The following CORO2B variants were observed in gnomAD, a reference collection of about 807,000 sequenced individuals.
CORO2B encodes the protein coronin 2B.
Under a neutral mutation model 58.8 loss-of-function variants are expected in CORO2B, and 26 were observed. The observed-to-expected ratio is 0.44, with a 90% CI of 0.32 to 0.61. The LOEUF is 0.61. Ranked by LOEUF, CORO2B falls within the 20% of genes least tolerant of loss-of-function variation. The pLI, the probability that CORO2B is intolerant of heterozygous loss-of-function variation, is 0.04. For missense variants in CORO2B, 460 were observed against 645.1 expected, an observed-to-expected ratio of 0.71 and a Z score of 3.11; for synonymous variants, 242 against 253.8, an observed-to-expected ratio of 0.95 and a Z score of 0.44.
At chr15:68,605,910 A>G (rs1195187493) in intron 1 of CORO2B, among the ~76,000 whole-genome samples, 1 of 151,832 alleles carries the variant, frequency 6.6e-6, no homozygotes, top group Non-Finnish European at 1.5e-5. Flanking sequence ...TTTTTAGTAG[A>G]GACGGGGGTT....
the CORO2B span, among the ~76,000 whole-genome samples, chr15:68,539,664 C>T: frequency 1.2e-4 from 18 of 152,026 alleles, no homozygotes; most frequent in South Asian, 2.1e-3. Context: ...GACCATGTCT[C>T]AAATAAATAA....
intron 1 of CORO2B, among the ~76,000 whole-genome samples, chr15:68,608,273 T>G (rs1280494184): frequency 6.6e-6 from 1 of 152,244 alleles, no homozygotes; most frequent in African/African-American, 2.4e-5. Context: ...CTTGGCCTCC[T>G]GTGGCTGGCT....
chr15:68,616,626 T>C (rs1900366194), intron 1 of CORO2B: 1 of 985,350 alleles, frequency 1.0e-6, no homozygotes. Flanking sequence ...TGAGTACGGC[T>C]GTGTCAGCGC....
chr15:68,602,445 A>ACG (rs1900009152), intron 1 of CORO2B, among the ~76,000 whole-genome samples: 1 of 150,984 alleles, frequency 6.6e-6, no homozygotes, highest in African/African-American at 2.5e-5. Flanking sequence ...ACACACACAC[A>ACG]CACACGTTTT....
chr15:68,648,713 A>G (rs917283083), intron 2 of CORO2B, among the ~76,000 whole-genome samples: 4 of 152,352 alleles, frequency 2.6e-5, no homozygotes, highest in Admixed American at 6.5e-5. Flanking sequence ...TGAATAAGCA[A>G]TTCACAGAAG....
chr15:68,676,789 T>A (rs1457333070), intron 2 of CORO2B, among the ~76,000 whole-genome samples: 4 of 152,052 alleles, frequency 2.6e-5, no homozygotes, highest in Non-Finnish European at 4.4e-5. Flanking sequence ...TTTTTTTTTT[T>A]AAGACAGAGT....
intron 3 of CORO2B, among the ~76,000 whole-genome samples, chr15:68,695,802 G>A (rs940505438): frequency 6.6e-6 from 1 of 152,164 alleles, no homozygotes; most frequent in Non-Finnish European, 1.5e-5. Context: ...CATTCAATGA[G>A]AAGAGAGAAG....
chr15:68,653,003 CCCATGTGT>C (rs1483163480), intron 2 of CORO2B, among the ~76,000 whole-genome samples: 1 of 152,166 alleles, frequency 6.6e-6, no homozygotes, highest in Non-Finnish European at 1.5e-5. Context: ...GAGCTGACAC[CCCATGTGT>C]CCATCTCTTT....
At chr15:68,580,802 C>T (rs1246732579) in intron 1 of CORO2B, among the ~76,000 whole-genome samples, 3 of 152,068 alleles carry the variant, frequency 2.0e-5, no homozygotes, top group South Asian at 2.1e-4. Flanking sequence ...TTAATAATAG[C>T]GCTGAGGATT....
chr15:68,537,010 T>C, the CORO2B span, among the ~76,000 whole-genome samples: 1 of 152,206 alleles, frequency 6.6e-6, no homozygotes, highest in East Asian at 1.9e-4. Context: ...CAAACCTACC[T>C]GATGTGAGGC....
intron 2 of CORO2B, among the ~76,000 whole-genome samples, chr15:68,661,729 T>C (rs934757133): frequency 3.7e-4 from 57 of 152,266 alleles, no homozygotes; most frequent in African/African-American, 1.2e-3. Flanking sequence ...GTTCAGGGCC[T>C]GGCGTGGTAG....
At chr15:68,601,411 G>A (rs748766142) in intron 1 of CORO2B, among the ~76,000 whole-genome samples, 1 of 152,242 alleles carries the variant, frequency 6.6e-6, no homozygotes, top group Non-Finnish European at 1.5e-5. Flanking sequence ...CTTTCGGTAG[G>A]CACCGAGGAT....
intron 1 of CORO2B, among the ~76,000 whole-genome samples, chr15:68,626,871 A>G (rs913447060): frequency 6.6e-6 from 1 of 152,150 alleles, no homozygotes; most frequent in Admixed American, 6.5e-5. Context: ...TCTCTGTGTC[A>G]GTTTCCCTGG....
chr15:68,573,006 T>G, the CORO2B span, among the ~76,000 whole-genome samples: 1 of 152,040 alleles, frequency 6.6e-6, no homozygotes, highest in Admixed American at 6.5e-5. Flanking sequence ...TACACACTCA[T>G]TCTCACATTC....
chr15:68,535,644 A>G, the CORO2B span, among the ~76,000 whole-genome samples: 1 of 152,184 alleles, frequency 6.6e-6, no homozygotes, highest in Non-Finnish European at 1.5e-5. Context: ...AGCACCTGCC[A>G]CTGGCATTGA....
chr15:68,686,200 C>A (rs1230394969), intron 2 of CORO2B, among the ~76,000 whole-genome samples: 1 of 149,736 alleles, frequency 6.7e-6, no homozygotes, highest in African/African-American at 2.4e-5. Flanking sequence ...CCACGCCTGG[C>A]TAATTTTGTA....
In CORO2B at chr15:68,642,412, T is replaced by C. The variant is rs139320363; in HGVS notation, c.16-2748T>C. On this transcript the variant is annotated intron_variant, in intron 1 of 11. Transcript: ENST00000261861. ...GCACTCAGTCTAGAAACAGGCCTTG[T>C]GCAGACCATCCCCGGTGCCCAGCCA... Among the ~76,000 whole-genome samples the C allele has an allele frequency of 3.9e-5, 6 of 152,244 alleles. No individual in the cohort carries two copies. The South Asian group carries it at 8.3e-4, about 21-fold the overall frequency.
At chr15:68,578,744 G>A (rs993229115), upstream of CORO2B, among the ~76,000 whole-genome samples, 1 of 152,072 alleles carries the variant, frequency 6.6e-6, no homozygotes, top group African/African-American at 2.4e-5. This position sits in a 1 kb window ranked among gnomAD's most constrained non-coding sequence, Gnocchi z 4.2. Context: ...GCAGGTGCCG[G>A]GAGCCAGCCT....
At chr15:68,629,687 G>A in intron 1 of CORO2B, among the ~76,000 whole-genome samples, 1 of 152,214 alleles carries the variant, frequency 6.6e-6, no homozygotes, top group East Asian at 1.9e-4. Context: ...GAGGGTCAGT[G>A]ACACGAGCAG....
Sources: allele counts gnomAD v4.1 joint callset (sites outside exome capture counted in the v4.1 genomes callset), GRCh38; gene constraint gnomAD v4.1.1; non-coding constraint Gnocchi (gnomAD v3.1); transcripts MANE v1.5; gene names NCBI Gene and HGNC (gene_info 2026-07-23, HGNC 2026-07-21).